SMYD3: variants seen among roughly 807,000 people sequenced by gnomAD.
SMYD3 encodes histone-lysine N-methyltransferase SMYD3.
A neutral mutation model predicts 57.7 loss-of-function variants in SMYD3; 36 were observed. The observed-to-expected ratio is 0.62, with a 90% CI of 0.48 to 0.82. The LOEUF is 0.82. Ranked by LOEUF, SMYD3 falls within the 40% of genes least tolerant of loss-of-function variation. The pLI is 0.00. For missense variants in SMYD3, 515 were observed against 538.8 expected (o/e 0.96, Z 0.44); for synonymous variants, 211 against 195.0 (o/e 1.08, Z -0.68).
At chr1:246,075,287 A>G (rs192295888) in intron 5 of SMYD3, among the ~76,000 whole-genome samples, 8 of 152,232 alleles carry the variant, frequency 5.3e-5, no homozygotes. Context: ...AGAGGAAGAG[A>G]AAGACACAAA....
At chr1:246,251,510 G>A (rs1380170214) in intron 5 of SMYD3, among the ~76,000 whole-genome samples, 2 of 112,452 alleles carry the variant, frequency 1.8e-5, no homozygotes, top group East Asian at 4.1e-4. Flanking sequence ...TAGGTGCCGC[G>A]GACACTGCGC....
Position 245,998,500 on chromosome 1 carries a change from C to T in SMYD3, c.532-68563G>A, listed in dbSNP as rs1320961755. 3.3e-5 allele frequency among the ~76,000 whole-genome samples: 5 copies of T among 152,198 alleles called. No homozygotes were observed. In the East Asian group the frequency reaches 9.7e-4, roughly 29 times the overall value. ...GCCCATCCCATTAGGAGGGCTATTA[C>T]AAAAGAAATGAAAAGTAAATATTGG... On this transcript the variant is annotated intron_variant, in intron 5 of 11. Coordinates refer to ENST00000490107, the MANE Select transcript of SMYD3 (RefSeq NM_001167740.2).
chr1:246,436,001 C>T (rs1179173672), intron 1 of SMYD3, among the ~76,000 whole-genome samples: 1 of 152,028 alleles, frequency 6.6e-6, no homozygotes, highest in African/African-American at 2.4e-5. Context: ...AGTTGTTACT[C>T]AACATTTCCT....
At chr1:245,937,430 A>AT (rs149000170) in intron 5 of SMYD3, among the ~76,000 whole-genome samples, 5,422 of 152,300 alleles carry the variant, frequency 0.036, 220 homozygotes, top group African/African-American at 0.1. Flanking sequence ...AAATAGTCAC[A>AT]TATTTGTCCA....
intron 1 of SMYD3, among the ~76,000 whole-genome samples, chr1:246,378,840 A>G (rs1318190878): frequency 8.5e-6 from 1 of 117,368 alleles, no homozygotes; most frequent in Non-Finnish European, 1.7e-5. Context: ...ATATATAATT[A>G]TATATAATAT....
At chr1:246,440,472 T>C (rs373031270) in intron 1 of SMYD3, among the ~76,000 whole-genome samples, 8 of 152,214 alleles carry the variant, frequency 5.3e-5, no homozygotes, top group Non-Finnish European at 1.0e-4. Flanking sequence ...CAATATCTAA[T>C]GATATTTTGG....
In SMYD3 at chr1:246,124,876, T is replaced by C. The variant is rs578078024; in HGVS notation, c.532-194939A>G. 2.0e-5 allele frequency among the ~76,000 whole-genome samples: 3 copies of C among 152,138 alleles called. No individual in the cohort carries two copies. In the East Asian group the frequency reaches 5.8e-4, roughly 29 times the overall value. On this transcript the variant is annotated intron_variant, in intron 5 of 11. Coordinates refer to ENST00000490107, the MANE Select transcript of SMYD3 (RefSeq NM_001167740.2). ...CTGGGCGGATCATGAGGTCAGGAGA[T>C]TGAGACCACGGTGAAACCCCATCTC... is the stretch of plus-strand genomic sequence containing the variant.
At chr1:245,954,288 T>C (rs1359244917) in intron 5 of SMYD3, among the ~76,000 whole-genome samples, 2 of 152,178 alleles carry the variant, frequency 1.3e-5, no homozygotes, top group African/African-American at 2.4e-5. Context: ...TGAGTCAATA[T>C]GGCAATTATA....
rs115514870 is a variant in SMYD3, at chr1:246,178,067, T to G, written c.531+149134A>C. 8.2e-3 allele frequency among the ~76,000 whole-genome samples: 1,251 copies of G among 152,350 alleles called. 13 individuals are homozygous for G. Among genetic ancestry groups the G allele is most frequent in the African/African-American group, 0.028 (1,174 of 41,584 alleles). The stretch of plus-strand genomic sequence containing the variant: ...TAATTTAACTTGCTTTGGTAATTTA[T>G]TCACCCTTCTAATTAGATGTAGTTA... On this transcript the variant is annotated intron_variant, in intron 5 of 11. Transcript: ENST00000490107.
At chr1:246,409,178 C>T (rs1234383810) in intron 1 of SMYD3, among the ~76,000 whole-genome samples, 2 of 152,098 alleles carry the variant, frequency 1.3e-5, no homozygotes, top group Middle Eastern at 3.2e-3. Context: ...CTCTTTAGTT[C>T]AATTAGATCC....
At chr1:246,473,775 C>T (rs1178861196) in intron 1 of SMYD3, among the ~76,000 whole-genome samples, 1 of 152,146 alleles carries the variant, frequency 6.6e-6, no homozygotes, top group Non-Finnish European at 1.5e-5. Context: ...GGTACCACTC[C>T]TCCATGACTT....
At chr1:246,309,270 T>C (rs944731214) in intron 5 of SMYD3, among the ~76,000 whole-genome samples, 1 of 152,152 alleles carries the variant, frequency 6.6e-6, no homozygotes, top group African/African-American at 2.4e-5. Flanking sequence ...AAATACATGA[T>C]CACATTATGC....
chr1:246,407,892 G>A (rs1276211299), intron 1 of SMYD3, among the ~76,000 whole-genome samples: 1 of 151,242 alleles, frequency 6.6e-6, no homozygotes, highest in African/African-American at 2.4e-5. Flanking sequence ...TCACTCTTGA[G>A]GAGGCTGGGA....
At chr1:246,296,516 A>C (rs1173255307) in intron 5 of SMYD3, among the ~76,000 whole-genome samples, 1 of 152,152 alleles carries the variant, frequency 6.6e-6, no homozygotes, top group Non-Finnish European at 1.5e-5. Flanking sequence ...TATATAAATA[A>C]CATTATATAC....
chr1:245,924,104 C>T (rs1311785171), intron 7 of SMYD3, among the ~76,000 whole-genome samples: 1 of 152,200 alleles, frequency 6.6e-6, no homozygotes, highest in African/African-American at 2.4e-5. Flanking sequence ...GTAACAGCTA[C>T]AAGTTATTTT....
At chr1:246,362,406 GCTCTCC>G (rs573466858) in intron 1 of SMYD3, among the ~76,000 whole-genome samples, 110 of 145,556 alleles carry the variant, frequency 7.6e-4, no homozygotes, top group Middle Eastern at 7.3e-3. Flanking sequence ...CTGAATTATA[GCTCTCC>G]CTCTCCCTCT....
At chr1:246,017,554 T>G (rs1267313650) in intron 5 of SMYD3, among the ~76,000 whole-genome samples, 2 of 152,212 alleles carry the variant, frequency 1.3e-5, no homozygotes, top group African/African-American at 4.8e-5. Flanking sequence ...AGATTGAGGT[T>G]CTGCATCTTT....
intron 5 of SMYD3, among the ~76,000 whole-genome samples, chr1:245,983,144 T>C (rs894099424): frequency 5.9e-5 from 9 of 152,204 alleles, no homozygotes; most frequent in African/African-American, 2.2e-4. Flanking sequence ...AGAGACAAGA[T>C]GCCTCATCTC....
At chr1:246,504,678 G>A (rs2068508670) in intron 1 of SMYD3, among the ~76,000 whole-genome samples, 1 of 152,028 alleles carries the variant, frequency 6.6e-6, no homozygotes, top group South Asian at 2.1e-4. Context: ...ACTTAATTCA[G>A]ATGGAAGGCA....
Sources: allele counts gnomAD v4.1 joint callset (sites outside exome capture counted in the v4.1 genomes callset), GRCh38; gene constraint gnomAD v4.1.1; transcripts MANE v1.5; gene names NCBI Gene and HGNC (gene_info 2026-07-23, HGNC 2026-07-21).